Variants in GSG1L observed in about 807,000 individuals in gnomAD.
The protein encoded by GSG1L is germ cell-specific gene 1-like protein.
In GSG1L, 24 loss-of-function variants were observed where a neutral mutation model predicts 42.1. The observed-to-expected ratio is 0.57, with a 90% confidence interval of 0.41 to 0.80. The LOEUF is 0.80. GSG1L is among the 30% of genes least tolerant of loss of function. GSG1L has a pLI of 0.00. For missense variants in GSG1L, 445 were observed against 472.2 expected (o/e 0.94, Z 0.53); for synonymous variants, 215 against 203.5 (o/e 1.06, Z -0.48).
intron 2 of GSG1L, among the ~76,000 whole-genome samples, chr16:27,951,417 C>T (rs531846933): frequency 1.3e-5 from 2 of 152,304 alleles, no homozygotes; most frequent in Non-Finnish European, 1.5e-5. Flanking sequence ...AGAATCACAG[C>T]TTCCATGTTT....
At chr16:27,811,651 CGTT>C (rs900279827) in intron 5 of GSG1L, among the ~76,000 whole-genome samples, 13 of 152,208 alleles carry the variant, frequency 8.5e-5, no homozygotes, top group South Asian at 2.1e-4. Context: ...GGTTTCTTTT[CGTT>C]GTTGTTGTTG....
chr16:28,036,213 C>T (rs1288608003), intron 1 of GSG1L, among the ~76,000 whole-genome samples: 4 of 152,100 alleles, frequency 2.6e-5, no homozygotes, highest in African/African-American at 9.7e-5. Context: ...CACGTGGTCA[C>T]GCAGGAAGGC....
chr16:27,869,551 CA>C, intron 3 of GSG1L, among the ~76,000 whole-genome samples: 2 of 141,974 alleles, frequency 1.4e-5, no homozygotes, highest in African/African-American at 5.4e-5. Flanking sequence ...TGTCTCCCTT[CA>C]TCTCTCTCTC....
chr16:28,039,266 C>G (rs1289815329), intron 1 of GSG1L, among the ~76,000 whole-genome samples: 1 of 152,140 alleles, frequency 6.6e-6, no homozygotes, highest in East Asian at 1.9e-4. Flanking sequence ...ATTTTCCATT[C>G]CACCCTATGA....
intron 5 of GSG1L, among the ~76,000 whole-genome samples, chr16:27,814,046 A>G (rs1259303088): frequency 1.3e-5 from 2 of 152,218 alleles, no homozygotes; most frequent in Admixed American, 6.5e-5. Flanking sequence ...GGCTCAGAGC[A>G]TGTTCACTAC....
chr16:27,807,505 G>A lies in GSG1L; in HGVS notation c.880C>T (p.His294Tyr), dbSNP rs745756770. 6.2e-6 allele frequency: 10 copies of A among 1,613,214 alleles called. No homozygotes were observed. The highest frequency in any genetic ancestry group is 5.9e-6 in the Non-Finnish European group (7 of 1,179,862). Reference sequence around the variant, plus strand: ...CACTTACGGGCAGGGTATCTCTCGTGGCGGCAGTCTAAGTGAAAGTCCTCC... The same window carrying A: ...CACTTACGGGCAGGGTATCTCTCGTAGCGGCAGTCTAAGTGAAAGTCCTCC... ...SEEDFHLDCR[H>Y]ERYPARHQPH... Residue 294 changes from histidine (H) to tyrosine (Y), a missense_variant, in exon 6 of 7, where the codon CAC (histidine) becomes TAC (tyrosine). Coordinates refer to ENST00000447459, the MANE Select transcript of GSG1L (RefSeq NM_001109763.2).
intron 4 of GSG1L, among the ~76,000 whole-genome samples, chr16:27,833,362 C>T (rs2140970854): frequency 6.6e-6 from 1 of 152,198 alleles, no homozygotes; most frequent in Admixed American, 6.5e-5. Flanking sequence ...TGTGCCTATC[C>T]TTCCACTAAT....
chr16:27,975,663 CTA>C (rs1020786966), intron 1 of GSG1L, among the ~76,000 whole-genome samples: 1 of 152,196 alleles, frequency 6.6e-6, no homozygotes, highest in Non-Finnish European at 1.5e-5. Flanking sequence ...TTCTATCTCT[CTA>C]TCTTAGGCAT....
chr16:27,862,423 C>T (rs2083665533), intron 3 of GSG1L, among the ~76,000 whole-genome samples: 1 of 152,230 alleles, frequency 6.6e-6, no homozygotes, highest in Non-Finnish European at 1.5e-5. Flanking sequence ...TAAAGGGGAA[C>T]TCAGCTCTGG....
intron 1 of GSG1L, among the ~76,000 whole-genome samples, chr16:27,983,516 A>G (rs2085347388): frequency 6.6e-6 from 1 of 152,182 alleles, no homozygotes; most frequent in African/African-American, 2.4e-5. Context: ...GTTTCAGGGA[A>G]GCTTGATAAA....
At chr16:27,933,287 G>C (rs1402863111) in intron 2 of GSG1L, among the ~76,000 whole-genome samples, 2 of 152,114 alleles carry the variant, frequency 1.3e-5, no homozygotes, top group Non-Finnish European at 2.9e-5. Context: ...TGTCTCACCA[G>C]AAACAAGTCC....
At chr16:28,011,371 T>C (rs1399359111) in intron 1 of GSG1L, among the ~76,000 whole-genome samples, 2 of 152,144 alleles carry the variant, frequency 1.3e-5, no homozygotes, top group East Asian at 1.9e-4. Flanking sequence ...TACAGGGTCA[T>C]GAAACTGAGC....
At chr16:28,009,844 C>T (rs2085692578) in intron 1 of GSG1L, among the ~76,000 whole-genome samples, 1 of 152,246 alleles carries the variant, frequency 6.6e-6, no homozygotes, top group African/African-American at 2.4e-5. Context: ...CACTTCACAG[C>T]TGTTAGCCAC....
intron 1 of GSG1L, among the ~76,000 whole-genome samples, chr16:28,032,885 T>C (rs2085982663): frequency 6.6e-6 from 1 of 152,136 alleles, no homozygotes; most frequent in Admixed American, 6.6e-5. Context: ...GCCCCCCACC[T>C]GTTAACCCTT....
At chr16:28,007,740 T>C (rs1368873134) in intron 1 of GSG1L, among the ~76,000 whole-genome samples, 1 of 152,008 alleles carries the variant, frequency 6.6e-6, no homozygotes, top group Non-Finnish European at 1.5e-5. Flanking sequence ...GGTCTCAAAC[T>C]CCTGGGCTCA....
chr16:27,814,042 G>A (rs2083064644), intron 5 of GSG1L, among the ~76,000 whole-genome samples: 1 of 152,222 alleles, frequency 6.6e-6, no homozygotes, highest in Non-Finnish European at 1.5e-5. Flanking sequence ...GATAGGCTCA[G>A]AGCATGTTCA....
At chr16:28,026,167 C>T (rs1567560473) in intron 1 of GSG1L, among the ~76,000 whole-genome samples, 1 of 152,210 alleles carries the variant, frequency 6.6e-6, no homozygotes, top group Non-Finnish European at 1.5e-5. Flanking sequence ...CCATGTCTCT[C>T]CCCACAGACT....
chr16:28,000,731 T>C (rs770700643), intron 1 of GSG1L, among the ~76,000 whole-genome samples: 11 of 152,100 alleles, frequency 7.2e-5, no homozygotes, highest in Non-Finnish European at 1.3e-4. Context: ...TTGGTAGTTG[T>C]TTACTGTCTG....
At chr16:28,006,472 C>A (rs2085640724) in intron 1 of GSG1L, among the ~76,000 whole-genome samples, 2 of 151,906 alleles carry the variant, frequency 1.3e-5, no homozygotes, top group African/African-American at 4.8e-5. Flanking sequence ...CCATGCCTGG[C>A]TAATTTTTGT....
Sources: gnomAD v4.1 joint callset for allele counts (sites outside exome capture counted in the v4.1 genomes callset) on GRCh38, gnomAD v4.1.1 for gene constraint, MANE v1.5 for transcripts, NCBI Gene and HGNC (gene_info 2026-07-23, HGNC 2026-07-21) for gene names.